NAALADL2: variants seen among roughly 807,000 people sequenced by gnomAD.
The protein encoded by NAALADL2 is N-acetylated alpha-linked acidic dipeptidase like 2.
NAALADL2 carries 76 observed loss-of-function variants against 87.2 expected under a neutral mutation model. That is an observed-to-expected ratio of 0.87 (90% CI 0.72 to 1.05). The LOEUF is 1.05. Among genes scored for constraint, NAALADL2 ranks in the 50% least tolerant of loss-of-function variants. The probability of loss-of-function intolerance (pLI) is 0.00; values close to 1 mark genes in which losing one functional copy is unlikely to be tolerated. For synonymous variants in NAALADL2, 354 were observed against 331.0 expected (o/e 1.07, Z -0.75); for missense variants, 1,089 against 945.8 (o/e 1.15, Z -1.99).
chr3:175,486,268 C>G (rs191711042), intron 9 of NAALADL2, among the ~76,000 whole-genome samples: 33 of 152,246 alleles, frequency 2.2e-4, no homozygotes, highest in African/African-American at 7.7e-4. Flanking sequence ...TCCTGCTCCT[C>G]AAAACAGAGT....
At position 175,803,338 on chromosome 3, in the gene NAALADL2, AT is replaced by A. The variant is rs1754420034; in HGVS notation, c.*141del. ...AAGTATAAAGCTATTATTACATTGT[AT>A]TTTTTAAATGTAAATATAGAAAGAA... is the stretch of plus-strand genomic sequence containing the variant. On this transcript the variant is annotated 3_prime_UTR_variant, in exon 14 of 14. Transcript: ENST00000454872. 4.1e-6 allele frequency: 2 copies of A among 487,466 alleles called. No individual in the cohort carries two copies. Among genetic ancestry groups the A allele is most frequent in the Middle Eastern group, 5.1e-4 (1 of 1,960 alleles). The allele number at this position is 487,466 out of a possible 1,614,324, so 30.2% of individuals were successfully genotyped here. A position where few individuals can be genotyped will look rare whatever the true frequency, so the allele number is the denominator to read the frequency against.
chr3:174,684,292 T>C (rs758707129), intron 2 of NAALADL2, among the ~76,000 whole-genome samples: 3 of 152,056 alleles, frequency 2.0e-5, no homozygotes, highest in Non-Finnish European at 2.9e-5. Context: ...TTGCAGACTA[T>C]TTAAACACGA....
chr3:175,242,345 C>A (rs1454408043), intron 3 of NAALADL2: 2 of 152,100 alleles, frequency 1.3e-5, no homozygotes, highest in East Asian at 3.9e-4. Flanking sequence ...ATACAAAATG[C>A]CTGTATTTAA....
In NAALADL2 at chr3:175,190,910, G is replaced by A. The variant is rs370409001; in HGVS notation, c.546-43021G>A. Among the ~76,000 whole-genome samples, 1,137 of 151,032 alleles carry A rather than the reference G, an allele frequency of 7.5e-3. 14 individuals carry two copies. The highest frequency in any genetic ancestry group is 0.026 in the African/African-American group (1,047 of 41,056). Reference sequence around the variant, plus strand: ...GGAGAATGGCGTGAACCCGGGAGGCGGAGCTTGCAGTGAGCCGAGATGGAG... The same window carrying A: ...GGAGAATGGCGTGAACCCGGGAGGCAGAGCTTGCAGTGAGCCGAGATGGAG... On this transcript the variant is annotated intron_variant, in intron 2 of 13. Coordinates refer to ENST00000454872, the MANE Select transcript of NAALADL2 (RefSeq NM_207015.3).
chr3:174,620,345 G>A (rs1720880328), intron 2 of NAALADL2, among the ~76,000 whole-genome samples: 1 of 151,872 alleles, frequency 6.6e-6, no homozygotes, highest in Non-Finnish European at 1.5e-5. Context: ...AATGCACAAG[G>A]GTGCTGTGAA....
chr3:175,175,746 A>G (rs995768338), intron 2 of NAALADL2, among the ~76,000 whole-genome samples: 6 of 152,042 alleles, frequency 3.9e-5, no homozygotes, highest in African/African-American at 1.4e-4. Context: ...TTTCTTTCAT[A>G]TGTTCACTCA....
rs868852303 is a variant in NAALADL2 at position 175,212,922 on chromosome 3, G to A, written c.546-21009G>A. Among the ~76,000 whole-genome samples the A allele has an allele frequency of 3.3e-5, 5 of 152,248 alleles. No individual in the cohort carries two copies. The South Asian group carries it at 6.2e-4, about 19-fold the overall frequency. On this transcript the variant is annotated intron_variant, in intron 2 of 13. Transcript: ENST00000454872. ...CAGAGTTTAGAGTTGGCTGATTTGTGCCAAAATGGCTCTCTGGAGTGGGTG... is the reference window on the plus strand; with the variant it reads ...CAGAGTTTAGAGTTGGCTGATTTGTACCAAAATGGCTCTCTGGAGTGGGTG...
intron 11 of NAALADL2, chr3:175,718,623 G>GT: frequency 6.3e-7 from 1 of 1,592,576 alleles, no homozygotes; most frequent in South Asian, 1.1e-5. Context: ...TCCAACAGTC[G>GT]GAAATTGCGA....
chr3:174,456,903 C>T (rs2108283850), intron 1 of NAALADL2, among the ~76,000 whole-genome samples: 1 of 152,172 alleles, frequency 6.6e-6, no homozygotes, highest in Admixed American at 6.5e-5. Context: ...GCAAAAGAAA[C>T]TATCAACAGA....
At chr3:174,995,634 T>C (rs1747336281) in intron 1 of NAALADL2, among the ~76,000 whole-genome samples, 1 of 152,180 alleles carries the variant, frequency 6.6e-6, no homozygotes, top group Admixed American at 6.5e-5. Flanking sequence ...TTGTTCATAG[T>C]GCTTTTAAAG....
At chr3:174,714,409 G>A (rs1560166802) in intron 2 of NAALADL2, among the ~76,000 whole-genome samples, 1 of 152,100 alleles carries the variant, frequency 6.6e-6, no homozygotes, top group Non-Finnish European at 1.5e-5. Context: ...CCATTTTCAT[G>A]ATTTTGATTC....
At chr3:174,851,311 A>G (rs1725218903) in intron 3 of NAALADL2, among the ~76,000 whole-genome samples, 2 of 151,640 alleles carry the variant, frequency 1.3e-5, no homozygotes, top group African/African-American at 4.8e-5. Flanking sequence ...AAGCAAGTAA[A>G]GAAGGTTTTT....
upstream of NAALADL2, among the ~76,000 whole-genome samples, chr3:174,855,819 CAT>C (rs1371778899): frequency 6.3e-3 from 740 of 117,392 alleles, 17 homozygotes; most frequent in African/African-American, 0.021. Context: ...CACACACACA[CAT>C]GTATATGTCT....
chr3:175,169,927 A>G (rs1734556471), intron 2 of NAALADL2, among the ~76,000 whole-genome samples: 1 of 151,676 alleles, frequency 6.6e-6, no homozygotes, highest in Non-Finnish European at 1.5e-5. Flanking sequence ...ATTTCAAAGC[A>G]TTTCCTTGAT....
Position 175,360,950 on chromosome 3 carries a change from T to C in NAALADL2, c.1090+36625T>C, listed in dbSNP as rs149514766. Reference sequence around the variant, plus strand: ...TTGTTAAATATGTATACATGTGCCATGTTGGTGTGCTGCACCCATTAACTC... The same window carrying C: ...TTGTTAAATATGTATACATGTGCCACGTTGGTGTGCTGCACCCATTAACTC... On this transcript the variant is annotated intron_variant, in intron 5 of 13. Coordinates refer to ENST00000454872, the MANE Select transcript of NAALADL2 (RefSeq NM_207015.3). 1.8e-3 allele frequency among the ~76,000 whole-genome samples: 278 copies of C among 151,980 alleles called. 1 individual carries two copies. Among genetic ancestry groups the C allele is most frequent in the African/African-American group, 5.9e-3 (246 of 41,450 alleles).
intron 4 of NAALADL2, among the ~76,000 whole-genome samples, chr3:175,316,577 G>A (rs1051469363): frequency 2.6e-5 from 4 of 152,090 alleles, no homozygotes; most frequent in Non-Finnish European, 5.9e-5. Context: ...TATATCTTAA[G>A]CTATCTCAAA....
At chr3:174,494,405 A>G (rs888764005) in intron 1 of NAALADL2, among the ~76,000 whole-genome samples, 1 of 148,488 alleles carries the variant, frequency 6.7e-6, no homozygotes, top group Middle Eastern at 3.5e-3. Context: ...GTTCTCACTC[A>G]TAGGTGGGAA....
chr3:175,735,718 T>C (rs1011058612), intron 11 of NAALADL2, among the ~76,000 whole-genome samples: 4 of 152,130 alleles, frequency 2.6e-5, no homozygotes, highest in Non-Finnish European at 4.4e-5. Context: ...GATTCAGTCA[T>C]CTATTACCAG....
intron 2 of NAALADL2, among the ~76,000 whole-genome samples, chr3:175,106,005 C>T (rs1162911308): frequency 6.6e-6 from 1 of 152,032 alleles, no homozygotes; most frequent in Non-Finnish European, 1.5e-5. Flanking sequence ...GAGGTTGTCT[C>T]AGTCTGGGCC....
Sources: gnomAD v4.1 joint callset for allele counts (sites outside exome capture counted in the v4.1 genomes callset) on GRCh38, gnomAD v4.1.1 for gene constraint, MANE v1.5 for transcripts, NCBI Gene and HGNC (gene_info 2026-07-23, HGNC 2026-07-21) for gene names.